The following ASIC2 variants were observed in gnomAD, a reference collection of about 807,000 sequenced individuals.
The protein encoded by ASIC2 is acid sensing ion channel subunit 2, also known as acid-sensing ion channel 2.
Under a neutral mutation model 57.3 loss-of-function variants are expected in ASIC2, and 25 were observed. The observed-to-expected ratio is 0.44, with a 90% CI of 0.32 to 0.61. The LOEUF is 0.61. ASIC2 is among the 20% of genes least tolerant of loss of function. The pLI is 0.06. For synonymous variants in ASIC2, 319 were observed against 307.5 expected, an observed-to-expected ratio of 1.04 and a Z score of -0.39; for missense variants, 641 against 738.1, an observed-to-expected ratio of 0.87 and a Z score of 1.52.
chr17:33,253,081 A>G (rs1908942761), intron 1 of ASIC2, among the ~76,000 whole-genome samples: 1 of 152,224 alleles, frequency 6.6e-6, no homozygotes, highest in Admixed American at 6.5e-5. Context: ...TTTGCTAGGT[A>G]TCATCTCAGT....
chr17:33,624,022 T>G (rs1279272963), intron 1 of ASIC2: 1 of 152,226 alleles, frequency 6.6e-6, no homozygotes, highest in Non-Finnish European at 1.5e-5. Flanking sequence ...ACAAATAAAC[T>G]CTTCTTTCTG....
rs16968950 is a variant in ASIC2 at position 33,851,870 on chromosome 17, C to G, written c.555+304108G>C. ...TGTTTATCTCCCAAATGGAATAACC[C>G]CTGTTCTGCTCAGTTCATAGAGTAA... On this transcript the variant is annotated intron_variant, in intron 1 of 9. Coordinates refer to the ASIC2 transcript ENST00000359872. Among the ~76,000 whole-genome samples, 1,383 of 152,278 alleles carry G rather than the reference C, an allele frequency of 9.1e-3. 23 individuals carry two copies. Among genetic ancestry groups the G allele is most frequent in the African/African-American group, 0.031 (1,299 of 41,546 alleles).
chr17:34,030,660 T>C lies in ASIC2; in HGVS notation c.555+125318A>G, dbSNP rs542438322. The stretch of plus-strand genomic sequence containing the variant: ...GAAAATCGGGTCACTCCCACCCTAA[T>C]ACTGCGCTTTTCCAATGGGCTTAAA... On this transcript the variant is annotated intron_variant, in intron 1 of 9. Transcript: ENST00000359872. 4.0e-4 allele frequency among the ~76,000 whole-genome samples: 61 copies of C among 152,330 alleles called. 1 individual carries two copies. Among genetic ancestry groups the C allele is most frequent in the African/African-American group, 1.4e-3 (57 of 41,570 alleles).
chr17:33,583,484 A>T (rs8066585), intron 1 of ASIC2, among the ~76,000 whole-genome samples: 18,363 of 152,156 alleles, frequency 0.12, 1,569 homozygotes, highest in East Asian at 0.3. Flanking sequence ...TATGAAACAC[A>T]TTGAATGTAT....
At chr17:33,696,945 C>A (rs1263170915) in intron 1 of ASIC2, among the ~76,000 whole-genome samples, 1 of 152,118 alleles carries the variant, frequency 6.6e-6, no homozygotes, top group Non-Finnish European at 1.5e-5. Context: ...GACGTGGGGC[C>A]TGGCAGGAGG....
chr17:34,132,589 G>A (rs1161021991), intron 1 of ASIC2, among the ~76,000 whole-genome samples: 1 of 71,264 alleles, frequency 1.4e-5, no homozygotes, highest in Non-Finnish European at 4.3e-5. Context: ...ACAGAGTGCT[G>A]ATTGGTGCGT....
At chr17:33,658,657 C>T (rs1907152278) in intron 1 of ASIC2, among the ~76,000 whole-genome samples, 1 of 152,100 alleles carries the variant, frequency 6.6e-6, no homozygotes, top group Admixed American at 6.5e-5. Context: ...CCCTCAAGTG[C>T]CTTTATAAGT....
At chr17:34,082,478 C>G (rs935267838) in intron 1 of ASIC2, among the ~76,000 whole-genome samples, 2 of 152,162 alleles carry the variant, frequency 1.3e-5, no homozygotes, top group East Asian at 3.8e-4. Flanking sequence ...GTCCTTTAAA[C>G]GGAATAAACT....
At chr17:33,621,491 G>A (rs1905796346) in intron 1 of ASIC2, among the ~76,000 whole-genome samples, 1 of 152,208 alleles carries the variant, frequency 6.6e-6, no homozygotes, top group South Asian at 2.1e-4. Flanking sequence ...GATGGCCAGT[G>A]TACGCTGGTT....
rs1906265478 is a variant in ASIC2 at position 33,308,268 on chromosome 17, C to T, written c.556-196201G>A. Among the ~76,000 whole-genome samples, 3 of 152,140 alleles carry T rather than the reference C, an allele frequency of 2.0e-5. No homozygotes were observed. The South Asian group carries it at 6.2e-4, about 32-fold the overall frequency. On this transcript the variant is annotated intron_variant, in intron 1 of 9. Transcript: ENST00000359872. ...CTGATGGCAAATTTCAATGACCATG[C>T]ATGATTCCTTTAAGCCACTACATCT...
intron 1 of ASIC2, among the ~76,000 whole-genome samples, chr17:34,049,245 A>G (rs142222802): frequency 5.5e-4 from 84 of 152,232 alleles, no homozygotes; most frequent in Non-Finnish European, 1.0e-3. Flanking sequence ...TGAACCATGG[A>G]TTGTGTCACT....
At chr17:33,499,848 G>A (rs1258103828) in intron 1 of ASIC2, among the ~76,000 whole-genome samples, 3 of 152,338 alleles carry the variant, frequency 2.0e-5, no homozygotes, top group Middle Eastern at 3.4e-3. Context: ...CAGAGAGGAA[G>A]CATTGCCGAG....
intron 1 of ASIC2, among the ~76,000 whole-genome samples, chr17:33,310,867 T>G (rs917604259): frequency 1.1e-4 from 17 of 152,100 alleles, no homozygotes; most frequent in African/African-American, 3.9e-4. Context: ...TCTATGTATA[T>G]CTATATCTGC....
At chr17:33,082,345 A>G (rs2092116212) in intron 3 of ASIC2, among the ~76,000 whole-genome samples, 1 of 152,170 alleles carries the variant, frequency 6.6e-6, no homozygotes, top group Admixed American at 6.5e-5. Context: ...GAAAACAAGA[A>G]TCACCACCAG....
intron 1 of ASIC2, among the ~76,000 whole-genome samples, chr17:33,829,368 A>G (rs943852886): frequency 6.6e-6 from 1 of 152,194 alleles, no homozygotes; most frequent in Non-Finnish European, 1.5e-5. Flanking sequence ...TTAACTAAAA[A>G]GTGCTGCAAT....
chr17:33,310,804 T>C (rs1335447135), intron 1 of ASIC2, among the ~76,000 whole-genome samples: 1 of 152,228 alleles, frequency 6.6e-6, no homozygotes, highest in Non-Finnish European at 1.5e-5. Context: ...AAACTTTTCT[T>C]ATCCAAATAT....
chr17:33,783,627 A>G (rs1473235007), intron 1 of ASIC2, among the ~76,000 whole-genome samples: 1 of 152,202 alleles, frequency 6.6e-6, no homozygotes, highest in African/African-American at 2.4e-5. Flanking sequence ...CCCTACCTTA[A>G]TCAGACTGGC....
intron 1 of ASIC2, among the ~76,000 whole-genome samples, chr17:33,934,146 C>G (rs1916006433): frequency 6.6e-6 from 1 of 152,192 alleles, no homozygotes; most frequent in Non-Finnish European, 1.5e-5. Context: ...AGAAGCTGAA[C>G]TTCCCAGGAA....
chr17:33,107,899 C>T (rs1226897962), intron 2 of ASIC2, among the ~76,000 whole-genome samples: 1 of 152,218 alleles, frequency 6.6e-6, no homozygotes, highest in East Asian at 1.9e-4. Flanking sequence ...AGAGGCTCTG[C>T]TTTGAGCAGA....
Sources: allele counts gnomAD v4.1 joint callset (sites outside exome capture counted in the v4.1 genomes callset), GRCh38; gene constraint gnomAD v4.1.1; transcripts MANE v1.5; gene names NCBI Gene and HGNC (gene_info 2026-07-23, HGNC 2026-07-21).